Variants in IRAG1 observed in about 807,000 individuals in gnomAD.
IRAG1 encodes the protein IP3R-associated cGMP kinase substrate.
A neutral mutation model predicts 106.2 loss-of-function variants in IRAG1; 62 were observed. The observed-to-expected ratio is 0.58, with a 90% confidence interval of 0.48 to 0.72. IRAG1 has a LOEUF of 0.72. Ranked by LOEUF, IRAG1 falls within the 30% of genes least tolerant of loss-of-function variation. The pLI, the probability that IRAG1 is intolerant of heterozygous loss-of-function variation, is 0.00. For synonymous variants in IRAG1, 462 were observed against 443.9 expected (o/e 1.04, Z -0.51); for missense variants, 1,064 against 1,140.7 (o/e 0.93, Z 0.97).
At chr11:10,610,798 A>C (rs184679202) in intron 10 of IRAG1, among the ~76,000 whole-genome samples, 20 of 152,348 alleles carry the variant, frequency 1.3e-4, no homozygotes, top group Admixed American at 2.6e-4. Context: ...ACTTAGCATT[A>C]AGCAAAACTC....
intron 1 of IRAG1, among the ~76,000 whole-genome samples, chr11:10,692,434 C>G (rs1014055065): frequency 6.6e-6 from 1 of 152,174 alleles, no homozygotes; most frequent in African/African-American, 2.4e-5. Context: ...GTCACTTAAC[C>G]TGAGTTCCCT....
intron 1 of IRAG1, among the ~76,000 whole-genome samples, chr11:10,689,272 T>G (rs1461109864): frequency 6.6e-6 from 1 of 152,134 alleles, no homozygotes; most frequent in Non-Finnish European, 1.5e-5. Context: ...ACCTTTTGAA[T>G]TTGTCCAGGA....
chr11:10,649,526 T>C (rs1182921325), intron 2 of IRAG1, among the ~76,000 whole-genome samples: 2 of 152,202 alleles, frequency 1.3e-5, no homozygotes, highest in Non-Finnish European at 2.9e-5. Flanking sequence ...GACCAGAATG[T>C]AGAGGAGCTG....
rs1850777362 is a variant in IRAG1 at position 10,575,659 on chromosome 11, C to T, written c.*673G>A. The T allele has an allele frequency of 6.5e-6, 1 of 153,864 alleles. No homozygotes were observed. Among genetic ancestry groups the T allele is most frequent in the South Asian group, 2.0e-4 (1 of 4,954 alleles). 9.5% of individuals were successfully genotyped at this position (153,864 alleles called of 1,614,324 possible). Reference sequence around the variant, plus strand: ...CACAGGCATGTTGTGTGTGTGTACACAACAGTATGTGTGTATGTGTGGACA... The same window carrying T: ...CACAGGCATGTTGTGTGTGTGTACATAACAGTATGTGTGTATGTGTGGACA... On this transcript the variant is annotated 3_prime_UTR_variant, in exon 21 of 21. Transcript: ENST00000423302.
chr11:10,669,096 A>G (rs1219367761), intron 1 of IRAG1, among the ~76,000 whole-genome samples: 1 of 152,342 alleles, frequency 6.6e-6, no homozygotes, highest in East Asian at 1.9e-4. Context: ...CATGGTCCTT[A>G]CAGGGGGCAA....
At chr11:10,583,312 G>A (rs1241059913) in intron 18 of IRAG1, among the ~76,000 whole-genome samples, 1 of 152,192 alleles carries the variant, frequency 6.6e-6, no homozygotes, top group Non-Finnish European at 1.5e-5. Flanking sequence ...GTCTCAGGTG[G>A]AAAAGAAGGC....
At position 10,609,611 on chromosome 11, in the gene IRAG1, G is replaced by A. The variant is rs372571558; in HGVS notation, c.1571+117C>T. 1.1e-4 allele frequency: 132 copies of A among 1,192,406 alleles called. 1 individual carries two copies. In the South Asian group the frequency reaches 2.0e-3, roughly 18 times the overall value. The allele number at this position is 1,192,406 out of a possible 1,614,324, so 73.9% of individuals were successfully genotyped here. On this transcript the variant is annotated intron_variant, in intron 11 of 20. Transcript: ENST00000423302. ...ATGCATTATCCCTATCTAGACAATT[G>A]GACTTTGGCCCTTCTGGGTTCAAGA... is the stretch of plus-strand genomic sequence containing the variant.
At chr11:10,645,923 C>T (rs1403441038) in intron 2 of IRAG1, among the ~76,000 whole-genome samples, 1 of 152,186 alleles carries the variant, frequency 6.6e-6, no homozygotes, top group African/African-American at 2.4e-5. Context: ...GTACCTGGCA[C>T]ATAGTAAGTT....
chr11:10,620,123 C>G (rs1263921697), intron 10 of IRAG1, among the ~76,000 whole-genome samples: 3 of 151,886 alleles, frequency 2.0e-5, no homozygotes, highest in African/African-American at 7.3e-5. Context: ...ATGGAAAAAA[C>G]AGATTTCTAT....
chr11:10,611,235 G>A (rs1028326461), intron 10 of IRAG1, among the ~76,000 whole-genome samples: 1 of 152,212 alleles, frequency 6.6e-6, no homozygotes, highest in Non-Finnish European at 1.5e-5. Flanking sequence ...CTTTGGATAT[G>A]AGATTCAACT....
chr11:10,578,654 A>C (rs1851075294), intron 20 of IRAG1, among the ~76,000 whole-genome samples: 1 of 152,230 alleles, frequency 6.6e-6, no homozygotes, highest in South Asian at 2.1e-4. Context: ...GAGCAGGTGC[A>C]TGATAAATGT....
chr11:10,580,616 T>C (rs1337852959), intron 19 of IRAG1, 27 bp from the exon 20 acceptor site: 3 of 1,610,288 alleles, frequency 1.9e-6, no homozygotes, highest in African/African-American at 1.3e-5. Context: ...AACAGTTGAG[T>C]CTGGAAAGGG....
At chr11:10,582,466 C>T (rs943756036) in intron 18 of IRAG1, among the ~76,000 whole-genome samples, 5 of 152,030 alleles carry the variant, frequency 3.3e-5, no homozygotes, top group African/African-American at 1.2e-4. Context: ...TGGAACTTAG[C>T]AGAAGGAAAA....
intron 8 of IRAG1, 31 bp from the exon 9 acceptor site, chr11:10,626,614 C>A: frequency 1.3e-6 from 2 of 1,558,316 alleles, no homozygotes; most frequent in Non-Finnish European, 1.7e-6. Flanking sequence ...CTGGAACCCT[C>A]GGGGGCAGGT....
At position 10,665,826 on chromosome 11, in the gene IRAG1, C is replaced by T. The variant is rs988812729; in HGVS notation, c.68-13644G>A. Among the ~76,000 whole-genome samples, 3 of 152,150 alleles carry T rather than the reference C, an allele frequency of 2.0e-5. No individual in the cohort carries two copies. Among genetic ancestry groups the T allele is most frequent in the Non-Finnish European group, 4.4e-5 (3 of 68,032 alleles). ...TGAACTGCAGGATGGTGGGTGTGTA[C>T]ACAAGAAGACACGTGATAAAGTAAA... On this transcript the variant is annotated intron_variant, in intron 1 of 20. Transcript: ENST00000423302. The surrounding 1 kb of genome is among the most constrained non-coding windows in gnomAD (Gnocchi z 4.2).
At chr11:10,693,505 C>T (rs1428612549) in intron 1 of IRAG1, 31 bp downstream of exon 1, 2 of 1,535,262 alleles carry the variant, frequency 1.3e-6, no homozygotes, top group Non-Finnish European at 1.7e-6. Context: ...GCCGAAGAGG[C>T]AGGTTATTCT....
Position 10,604,391 on chromosome 11 carries a change from G to C in IRAG1, c.1743+14C>G, listed in dbSNP as rs1418275859. The C allele has an allele frequency of 6.2e-7, 1 of 1,613,886 alleles. No individual in the cohort carries two copies. ...TCTGCTCCAGGGATTCCTCACATCA[G>C]GCTCCACAATTACCGTAATGGAAGC... is the stretch of plus-strand genomic sequence containing the variant. On this transcript the variant is annotated intron_variant, in intron 13 of 20. Transcript: ENST00000423302.
At chr11:10,596,064 A>G (rs1057331683) in intron 15 of IRAG1, among the ~76,000 whole-genome samples, 2 of 152,174 alleles carry the variant, frequency 1.3e-5, no homozygotes, top group Non-Finnish European at 2.9e-5. Flanking sequence ...TCCATGGTGT[A>G]TATGTACCAC....
At chr11:10,605,308 T>C (rs926079288) in intron 12 of IRAG1, among the ~76,000 whole-genome samples, 2 of 152,194 alleles carry the variant, frequency 1.3e-5, no homozygotes, top group Non-Finnish European at 2.9e-5. Context: ...TGGTAGCAGA[T>C]TTATACCCTG....
Sources: allele counts gnomAD v4.1 joint callset (sites outside exome capture counted in the v4.1 genomes callset), GRCh38; gene constraint gnomAD v4.1.1; non-coding constraint Gnocchi (gnomAD v3.1); transcripts MANE v1.5; gene names NCBI Gene and HGNC (gene_info 2026-07-23, HGNC 2026-07-21).